The following RGPD4 variants were observed in gnomAD, a reference collection of about 807,000 sequenced individuals.
RGPD4 encodes ranBP2-like and GRIP domain-containing protein 4.
In RGPD4, 84 loss-of-function variants were observed where a neutral mutation model predicts 141.1. The observed-to-expected ratio is 0.60, with a 90% CI of 0.50 to 0.71. The LOEUF (loss-of-function observed/expected upper bound fraction) is 0.71, where lower values mean the gene tolerates loss of function less well. Ranked by LOEUF, RGPD4 falls within the 30% of genes least tolerant of loss-of-function variation. The pLI, the probability that RGPD4 is intolerant of heterozygous loss-of-function variation, is 0.00. For missense variants in RGPD4, 918 were observed against 1,622.4 expected, an observed-to-expected ratio of 0.57 and a Z score of 7.46; for synonymous variants, 298 against 566.8, an observed-to-expected ratio of 0.53 and a Z score of 6.74.
chr2:107,829,813 A>C (rs1424927049), intron 1 of RGPD4, among the ~76,000 whole-genome samples: 1 of 149,762 alleles, frequency 6.7e-6, no homozygotes, highest in African/African-American at 2.5e-5. Context: ...GCCCCGTAGT[A>C]CCCGCGCAGC....
chr2:107,880,441 T>A lies in RGPD4; in HGVS notation c.5064+334T>A, dbSNP rs543636732. The stretch of plus-strand genomic sequence containing the variant: ...AACATGCCTGGCTAATTTCTTTGTA[T>A]TTTTAGTAGAGACAGGTTTTACCAT... On this transcript the variant is annotated intron_variant, in intron 21 of 22. Transcript: ENST00000408999. Among the ~76,000 whole-genome samples the A allele has an allele frequency of 4.0e-5, 6 of 151,284 alleles. No homozygotes were observed. The South Asian group carries it at 1.3e-3, about 32-fold the overall frequency.
intron 1 of RGPD4, among the ~76,000 whole-genome samples, chr2:107,833,158 C>A (rs1681553687): frequency 6.8e-6 from 1 of 148,068 alleles, no homozygotes; most frequent in African/African-American, 2.5e-5. Context: ...AGAACAGCAG[C>A]TTTTTTGGAG....
rs1476549933 is a variant in RGPD4 at position 107,869,018 on chromosome 2, T to C, written c.2606-865T>C. On this transcript the variant is annotated intron_variant, in intron 18 of 22. Coordinates refer to ENST00000408999, the MANE Select transcript of RGPD4 (RefSeq NM_182588.3). The stretch of plus-strand genomic sequence containing the variant: ...GTGTTCTGTGCCTGCTTCCTCCCCA[T>C]AGTAATTTCAAAATAGCTATCCTCA... Among the ~76,000 whole-genome samples, 2 of 50,032 alleles carry C rather than the reference T, an allele frequency of 4.0e-5. 1 individual carries two copies. The highest frequency in any genetic ancestry group is 5.1e-4 in the East Asian group (2 of 3,928). 32.8% of individuals were successfully genotyped at this position (50,032 alleles called of 152,430 possible).
At chr2:107,828,692 T>G (rs1681337600) in intron 1 of RGPD4, among the ~76,000 whole-genome samples, 3 of 39,776 alleles carry the variant, frequency 7.5e-5, no homozygotes, top group Admixed American at 5.1e-4. Flanking sequence ...CGCGCTCTGT[T>G]GAGGCAGCGG....
chr2:107,873,763 G>A (rs576764071), intron 20 of RGPD4, among the ~76,000 whole-genome samples: 46 of 151,708 alleles, frequency 3.0e-4, no homozygotes, highest in African/African-American at 1.0e-3. Context: ...TATTCATTTT[G>A]TTTCCTAAAA....
intron 22 of RGPD4, among the ~76,000 whole-genome samples, chr2:107,884,600 T>C (rs1187056588): frequency 9.6e-5 from 14 of 145,968 alleles, no homozygotes; most frequent in South Asian, 4.6e-4. Flanking sequence ...TGGACAAAAA[T>C]ACATCATAGA....
At chr2:107,854,360 G>A (rs934366288) in intron 7 of RGPD4, among the ~76,000 whole-genome samples, 196 bp from the exon 8 acceptor site, 5 of 151,858 alleles carry the variant, frequency 3.3e-5, no homozygotes, top group African/African-American at 9.7e-5. Context: ...GAGCCACCAC[G>A]CCTGTACCTG....
rs1438206709 is a variant in RGPD4, at chr2:107,847,860, T to C, written c.783-481T>C. Among the ~76,000 whole-genome samples the C allele has an allele frequency of 8.4e-3, 1,019 of 120,924 alleles. 25 individuals are homozygous for C. Among genetic ancestry groups the C allele is most frequent in the African/African-American group, 0.033 (990 of 30,166 alleles). 79.3% of individuals were successfully genotyped at this position (120,924 alleles called of 152,430 possible). A position where few individuals can be genotyped will look rare whatever the true frequency, so the allele number is the denominator to read the frequency against. ...AAAAAAAAAAAGACAATTTATTTAA[T>C]GCTGTAATGATCTATATAGTAAAAA... is the stretch of plus-strand genomic sequence containing the variant. On this transcript the variant is annotated intron_variant, in intron 6 of 22. Coordinates refer to ENST00000408999, the MANE Select transcript of RGPD4 (RefSeq NM_182588.3).
At chr2:107,887,190 C>G (rs1573537726) in intron 22 of RGPD4, among the ~76,000 whole-genome samples, 1 of 152,016 alleles carries the variant, frequency 6.6e-6, no homozygotes, top group Non-Finnish European at 1.5e-5. Flanking sequence ...TGCAGTCGAA[C>G]TTCTGGTCGA....
In RGPD4 at chr2:107,830,428, C is replaced by G. The variant is rs534234899; in HGVS notation, c.72+3343C>G. ...TTCCAAAAGATTAAAAACCACTGGT[C>G]TAGACAGAAGTTAGAATGTTCTTTC... is the stretch of plus-strand genomic sequence containing the variant. On this transcript the variant is annotated intron_variant, in intron 1 of 22. Coordinates refer to ENST00000408999, the MANE Select transcript of RGPD4 (RefSeq NM_182588.3). Among the ~76,000 whole-genome samples the G allele has an allele frequency of 2.0e-5, 3 of 151,256 alleles. No individual in the cohort carries two copies. In the South Asian group the frequency reaches 6.3e-4, roughly 32 times the overall value.
intron 22 of RGPD4, among the ~76,000 whole-genome samples, chr2:107,885,132 A>T (rs1420627464): frequency 6.6e-6 from 1 of 152,052 alleles, no homozygotes; most frequent in Non-Finnish European, 1.5e-5. Flanking sequence ...TATTTTTAGT[A>T]GTTATTCAGA....
chr2:107,858,618 T>C (rs1232989816), intron 9 of RGPD4, among the ~76,000 whole-genome samples: 1 of 151,926 alleles, frequency 6.6e-6, no homozygotes, highest in African/African-American at 2.4e-5. Context: ...TTTTGTATTT[T>C]TAGTAGAGGC....
At position 107,872,541 on chromosome 2, in the gene RGPD4, G is replaced by A. The variant is rs750584599; in HGVS notation, c.4537G>A (p.Val1513Ile). ...ERTDVIQGDD[V>I]ADAASEVEVS... ...GACAGATGTTATTCAGGGTGATGAT[G>A]TAGCAGATGCAGCTTCAGAAGTTGA... The change falls in exon 20 of 23, where the codon GTA becomes ATA. Residue 1513 changes from valine to isoleucine, a missense_variant. By Grantham distance (29) the Val-to-Ile change is conservative. Transcript: ENST00000408999. The A allele has an allele frequency of 1.9e-6, 3 of 1,566,230 alleles. No homozygotes were observed. Among genetic ancestry groups the A allele is most frequent in the South Asian group, 1.1e-5 (1 of 88,364 alleles).
intron 1 of RGPD4, among the ~76,000 whole-genome samples, chr2:107,831,572 CTTTTTTTTTTTT>C (rs1166609493): frequency 1.0e-4 from 11 of 108,830 alleles, no homozygotes; most frequent in Admixed American, 2.8e-4. Flanking sequence ...CTTTTCTTTT[CTTTTTTTTTTTT>C]TTTTTTTTTG....
intron 20 of RGPD4, among the ~76,000 whole-genome samples, chr2:107,877,730 A>G (rs375074821): frequency 4.6e-3 from 638 of 137,280 alleles, no homozygotes; most frequent in Middle Eastern, 8.1e-3. Flanking sequence ...GTTATCTAAC[A>G]GTTTATCTTA....
intron 21 of RGPD4, among the ~76,000 whole-genome samples, chr2:107,881,341 A>T (rs2104516024): frequency 6.7e-6 from 1 of 150,242 alleles, no homozygotes; most frequent in East Asian, 1.9e-4. Context: ...TTTTTTTGAG[A>T]TAGTCTCGCT....
At position 107,887,076 on chromosome 2, in the gene RGPD4, C is replaced by T. The variant is rs186635136; in HGVS notation, c.5267-3645C>T. Among the ~76,000 whole-genome samples the T allele has an allele frequency of 9.0e-3, 1,324 of 147,108 alleles. 17 individuals carry two copies. Among genetic ancestry groups the T allele is most frequent in the African/African-American group, 0.031 (1,246 of 39,746 alleles). On this transcript the variant is annotated intron_variant, in intron 22 of 22. Transcript: ENST00000408999. ...TGGGCAACATGGCGAGACCCTATGT[C>T]TACAAAAATTTTAAAATATGCCAGT...
Position 107,840,783 on chromosome 2 carries a change from T to C in RGPD4, c.405+1819T>C, listed in dbSNP as rs1416622706. Among the ~76,000 whole-genome samples, 6 of 70,922 alleles carry C rather than the reference T, an allele frequency of 8.5e-5. 3 individuals carry two copies. Among genetic ancestry groups the C allele is most frequent in the African/African-American group, 3.9e-4 (6 of 15,418 alleles). The allele number at this position is 70,922 out of a possible 152,430, so 46.5% of individuals were successfully genotyped here. ...CTATTTTTTTGAGACAGAGTCTTGC[T>C]CTGTCGCCCATGCTGGAGTGCAGTG... On this transcript the variant is annotated intron_variant, in intron 4 of 22. Transcript: ENST00000408999.
chr2:107,886,712 T>C (rs1271192895), intron 22 of RGPD4, among the ~76,000 whole-genome samples: 2 of 151,990 alleles, frequency 1.3e-5, no homozygotes, highest in Non-Finnish European at 2.9e-5. Context: ...TAACCAACAC[T>C]GCATACATGA....
Sources: gnomAD v4.1 joint callset for allele counts (sites outside exome capture counted in the v4.1 genomes callset) on GRCh38, gnomAD v4.1.1 for gene constraint, MANE v1.5 for transcripts, NCBI Gene and HGNC (gene_info 2026-07-23, HGNC 2026-07-21) for gene names.